LHFPL2: variants seen among roughly 807,000 people sequenced by gnomAD.
LHFPL2 encodes the protein LHFPL tetraspan subfamily member 2.
A neutral mutation model predicts 17.5 loss-of-function variants in LHFPL2; 7 were observed. That is an observed-to-expected ratio of 0.40 (90% CI 0.23 to 0.75). LHFPL2 has a LOEUF of 0.75. LHFPL2 is among the 30% of genes least tolerant of loss of function. The probability of loss-of-function intolerance (pLI) is 0.37; values close to 1 mark genes in which losing one functional copy is unlikely to be tolerated. For synonymous variants in LHFPL2, 134 were observed against 116.2 expected, an observed-to-expected ratio of 1.15 and a Z score of -0.99; for missense variants, 241 against 294.8, an observed-to-expected ratio of 0.82 and a Z score of 1.34.
rs1561352310 is a variant in LHFPL2 at position 78,584,993 on chromosome 5, G to GTTTTTT, written c.-244-20123_-244-20122insAAAAAA. ...GCGGGATATAATCTCCTGGTGCGCT[G>GTTTTTT]TGTTTTTTTTTTTTTTTTTTTTTTT... On this transcript the variant is annotated intron_variant, in intron 2 of 4. Transcript: ENST00000380345. 9.4e-4 allele frequency among the ~76,000 whole-genome samples: 80 copies of GTTTTTT among 84,766 alleles called. 10 individuals are homozygous for GTTTTTT. Among genetic ancestry groups the GTTTTTT allele is most frequent in the African/African-American group, 3.9e-3 (79 of 20,184 alleles). 55.6% of individuals were successfully genotyped at this position (84,766 alleles called of 152,430 possible).
chr5:78,603,049 C>A (rs1461588706), intron 2 of LHFPL2, among the ~76,000 whole-genome samples: 1 of 152,136 alleles, frequency 6.6e-6, no homozygotes, highest in Non-Finnish European at 1.5e-5. Flanking sequence ...TGCCACCACA[C>A]CCAGCTAATT....
chr5:78,581,631 G>T (rs1375813445), intron 2 of LHFPL2, among the ~76,000 whole-genome samples: 1 of 152,132 alleles, frequency 6.6e-6, no homozygotes, highest in Non-Finnish European at 1.5e-5. Flanking sequence ...TGCATCCCAG[G>T]GATGAAGCCC....
chr5:78,534,623 C>T (rs1755888532), intron 3 of LHFPL2, among the ~76,000 whole-genome samples: 1 of 152,266 alleles, frequency 6.6e-6, no homozygotes, highest in Admixed American at 6.5e-5. Flanking sequence ...CATCTTCCCT[C>T]CTTCCCATGT....
chr5:78,617,800 A>G (rs1398599477), intron 2 of LHFPL2, among the ~76,000 whole-genome samples: 1 of 152,220 alleles, frequency 6.6e-6, no homozygotes, highest in Non-Finnish European at 1.5e-5. Context: ...TGTCATAAGC[A>G]ATATTTATTA....
At chr5:78,589,352 T>C (rs1170913142) in intron 2 of LHFPL2, among the ~76,000 whole-genome samples, 2 of 151,760 alleles carry the variant, frequency 1.3e-5, no homozygotes, top group East Asian at 3.9e-4. Flanking sequence ...GCGCCTGTAA[T>C]TCCAGCTACT....
At chr5:78,528,665 A>G (rs1332146235) in intron 3 of LHFPL2, among the ~76,000 whole-genome samples, 1 of 152,214 alleles carries the variant, frequency 6.6e-6, no homozygotes, top group Non-Finnish European at 1.5e-5. Flanking sequence ...TAGAGGCCCT[A>G]CCAAAGCAGC....
At chr5:78,516,930 G>A (rs6875879) in intron 3 of LHFPL2, among the ~76,000 whole-genome samples, 54,330 of 152,040 alleles carry the variant, frequency 0.36, 10,692 homozygotes, top group African/African-American at 0.51. Flanking sequence ...ATTCATTACT[G>A]TTACCTTTCT....
chr5:78,531,378 G>A (rs1360170494), intron 3 of LHFPL2, among the ~76,000 whole-genome samples: 6 of 142,872 alleles, frequency 4.2e-5, no homozygotes, highest in Non-Finnish European at 8.9e-5. Flanking sequence ...TCGTGCCACT[G>A]CACTCACTCC....
At chr5:78,535,269 T>G (rs4235710) in intron 3 of LHFPL2, among the ~76,000 whole-genome samples, 141,654 of 152,202 alleles carry the variant, frequency 0.93, 66,097 homozygotes, top group African/African-American at 0.98. Flanking sequence ...GTAGGCAGGG[T>G]CCTGGCCTTC....
intron 2 of LHFPL2, among the ~76,000 whole-genome samples, chr5:78,614,438 A>G (rs1744528519): frequency 6.6e-6 from 1 of 152,232 alleles, no homozygotes; most frequent in African/African-American, 2.4e-5. Flanking sequence ...TTAAGAAAAA[A>G]TAATCTACTT....
intron 4 of LHFPL2, among the ~76,000 whole-genome samples, chr5:78,503,312 T>G (rs913430647): frequency 6.6e-6 from 1 of 152,248 alleles, no homozygotes; most frequent in Non-Finnish European, 1.5e-5. Flanking sequence ...GCAAACCACT[T>G]TTGCATTTTA....
chr5:78,588,507 G>C (rs1743515734), intron 2 of LHFPL2, among the ~76,000 whole-genome samples: 1 of 152,120 alleles, frequency 6.6e-6, no homozygotes, highest in South Asian at 2.1e-4. Flanking sequence ...GGGTACCTTA[G>C]TTTTCTAATC....
At chr5:78,644,253 G>A (rs957373364) in intron 1 of LHFPL2, 13 of 741,340 alleles carry the variant, frequency 1.8e-5, no homozygotes, top group Non-Finnish European at 3.1e-5. Context: ...AAAAAAAACT[G>A]TGCTAGAACC....
Position 78,648,321 on chromosome 5 carries a change from C to T in LHFPL2, c.-350+178G>A, listed in dbSNP as rs893051282. Among the ~76,000 whole-genome samples, 7 of 152,054 alleles carry T rather than the reference C, an allele frequency of 4.6e-5. No individual in the cohort carries two copies. Among genetic ancestry groups the T allele is most frequent in the African/African-American group, 1.7e-4 (7 of 41,442 alleles). On this transcript the variant is annotated intron_variant, in intron 1 of 4. Transcript: ENST00000380345. This position sits in a 1 kb window ranked among gnomAD's most constrained non-coding sequence, Gnocchi z 5.4. Reference sequence around the variant, plus strand: ...AACGCCCATCCCGCAGCACCTCCGACCGCTCGGCGCGGTCTCCCAGGGCGC... The same window carrying T: ...AACGCCCATCCCGCAGCACCTCCGATCGCTCGGCGCGGTCTCCCAGGGCGC...
intron 1 of LHFPL2, chr5:78,644,127 A>G: frequency 2.0e-6 from 1 of 495,328 alleles, no homozygotes. Context: ...GTAGTGTGTT[A>G]ACTATACAAA....
Position 78,487,040 on chromosome 5 carries a change from A to C in LHFPL2, c.*1857T>G, listed in dbSNP as rs916580073. The C allele has an allele frequency of 3.3e-5, 5 of 152,188 alleles. No homozygotes were observed. The highest frequency in any genetic ancestry group is 7.3e-5 in the Non-Finnish European group (5 of 68,032). 9.4% of individuals were successfully genotyped at this position (152,188 alleles called of 1,614,324 possible). A position where few individuals can be genotyped will look rare whatever the true frequency, so the allele number is the denominator to read the frequency against. On this transcript the variant is annotated 3_prime_UTR_variant, in exon 5 of 5. Transcript: ENST00000380345. ...TCTGTGTGGTGTTAGAGATATGGTT[A>C]AGGTTTCCTAGGCTGCTATGAAGAT...
At chr5:78,566,226 C>T (rs942740965) in intron 2 of LHFPL2, among the ~76,000 whole-genome samples, 2 of 152,168 alleles carry the variant, frequency 1.3e-5, no homozygotes, top group African/African-American at 4.8e-5. Flanking sequence ...TATCAAGCTA[C>T]GAATGTCCAC....
intron 2 of LHFPL2, among the ~76,000 whole-genome samples, chr5:78,595,909 C>G (rs966510636): frequency 1.3e-5 from 2 of 152,062 alleles, no homozygotes; most frequent in African/African-American, 4.8e-5. Flanking sequence ...GCATTTTTTC[C>G]TATAAGCATT....
chr5:78,619,594 G>A (rs1323530324), intron 2 of LHFPL2, among the ~76,000 whole-genome samples: 2 of 142,900 alleles, frequency 1.4e-5, no homozygotes, highest in East Asian at 2.0e-4. Flanking sequence ...CTGGTGTGCT[G>A]CACCCATTAA....
Sources: gnomAD v4.1 joint callset for allele counts (sites outside exome capture counted in the v4.1 genomes callset) on GRCh38, gnomAD v4.1.1 for gene constraint, Gnocchi (gnomAD v3.1) non-coding constraint, MANE v1.5 for transcripts, NCBI Gene and HGNC (gene_info 2026-07-23, HGNC 2026-07-21) for gene names.